CDH13: variants seen among roughly 807,000 people sequenced by gnomAD.
CDH13 encodes the protein cadherin 13.
A neutral mutation model predicts 63.8 loss-of-function variants in CDH13; 24 were observed. The ratio of observed to expected loss-of-function variants is 0.38; its 90% CI spans 0.27 to 0.53. The LOEUF (loss-of-function observed/expected upper bound fraction) is 0.53, where lower values mean the gene tolerates loss of function less well. CDH13 is among the 20% of genes least tolerant of loss of function. The pLI, the probability that CDH13 is intolerant of heterozygous loss-of-function variation, is 0.85. For synonymous variants in CDH13, 503 were observed against 355.3 expected (o/e 1.42, Z -4.67); for missense variants, 1,049 against 903.1 (o/e 1.16, Z -2.07).
At chr16:83,301,207 A>G (rs1185766735) in intron 5 of CDH13, among the ~76,000 whole-genome samples, 3 of 150,942 alleles carry the variant, frequency 2.0e-5, no homozygotes, top group African/African-American at 7.3e-5. Context: ...AATTTTTTGT[A>G]TTTTTAGTAG....
chr16:82,739,490 C>T (rs1026986790), intron 1 of CDH13, among the ~76,000 whole-genome samples: 3 of 152,080 alleles, frequency 2.0e-5, no homozygotes, highest in Non-Finnish European at 2.9e-5. Flanking sequence ...GAGAGAAGAC[C>T]AAGTAACAGT....
chr16:83,737,771 A>G (rs984821358), intron 10 of CDH13, among the ~76,000 whole-genome samples: 3 of 152,222 alleles, frequency 2.0e-5, no homozygotes, highest in African/African-American at 7.2e-5. Flanking sequence ...AGTGGCACAA[A>G]CAAATGCCCA....
At chr16:83,387,147 C>T (rs1468091541) in intron 6 of CDH13, among the ~76,000 whole-genome samples, 2 of 151,978 alleles carry the variant, frequency 1.3e-5, no homozygotes, top group East Asian at 3.9e-4. Flanking sequence ...CAATGTCTGC[C>T]CCAGGAACTT....
At chr16:83,623,802 G>A (rs1044787957) in intron 8 of CDH13, among the ~76,000 whole-genome samples, 2 of 152,172 alleles carry the variant, frequency 1.3e-5, no homozygotes, top group Non-Finnish European at 2.9e-5. Flanking sequence ...ACACAGGAAT[G>A]GTCAAAATAC....
intron 6 of CDH13, among the ~76,000 whole-genome samples, chr16:83,349,455 G>A (rs138467200): frequency 6.6e-6 from 1 of 152,188 alleles, no homozygotes; most frequent in African/African-American, 2.4e-5. Flanking sequence ...GGAATGGCAT[G>A]TCAGGCTCCC....
At chr16:83,614,839 C>A (rs555959242) in intron 8 of CDH13, among the ~76,000 whole-genome samples, 1 of 152,230 alleles carries the variant, frequency 6.6e-6, no homozygotes, top group African/African-American at 2.4e-5. Context: ...AATTAAATGG[C>A]TTCACAGTAC....
At chr16:82,846,541 A>G (rs1362526360) in intron 1 of CDH13, among the ~76,000 whole-genome samples, 6 of 152,196 alleles carry the variant, frequency 3.9e-5, no homozygotes, top group African/African-American at 1.4e-4. Context: ...GAATTTAAGT[A>G]ACTTGCTCAG....
intron 3 of CDH13, among the ~76,000 whole-genome samples, chr16:83,090,523 G>A (rs1041243620): frequency 3.3e-5 from 5 of 149,556 alleles, no homozygotes; most frequent in African/African-American, 5.0e-5. Context: ...GCAGTGAGTC[G>A]AGATCGCGTC....
chr16:82,756,104 G>A (rs934025209), intron 1 of CDH13, among the ~76,000 whole-genome samples: 2 of 152,276 alleles, frequency 1.3e-5, no homozygotes, highest in Admixed American at 6.5e-5. Context: ...AATGTTCAAT[G>A]TGTAAACTCT....
chr16:82,774,841 A>G (rs1199293970), intron 1 of CDH13, among the ~76,000 whole-genome samples: 1 of 152,226 alleles, frequency 6.6e-6, no homozygotes, highest in Non-Finnish European at 1.5e-5. Flanking sequence ...GTGGGGCAGC[A>G]TGGTGGGCTA....
chr16:83,434,363 A>G (rs2072220577), intron 6 of CDH13, among the ~76,000 whole-genome samples: 1 of 152,168 alleles, frequency 6.6e-6, no homozygotes, highest in Non-Finnish European at 1.5e-5. Flanking sequence ...TTTGTGTGAC[A>G]GAGATGACAT....
intron 4 of CDH13, among the ~76,000 whole-genome samples, chr16:83,143,647 A>G (rs1317129737): frequency 6.6e-6 from 1 of 152,156 alleles, no homozygotes; most frequent in African/African-American, 2.4e-5. Flanking sequence ...CATCAAAACA[A>G]TTGTGTTAAA....
At chr16:82,794,935 G>C (rs906902062) in intron 1 of CDH13, among the ~76,000 whole-genome samples, 3 of 152,172 alleles carry the variant, frequency 2.0e-5, no homozygotes, top group Non-Finnish European at 2.9e-5. Flanking sequence ...AAATGGCTGT[G>C]GGTTGGTCTA....
At chr16:83,492,541 G>T (rs773366054) in intron 7 of CDH13, among the ~76,000 whole-genome samples, 2 of 152,100 alleles carry the variant, frequency 1.3e-5, no homozygotes, top group Non-Finnish European at 2.9e-5. Context: ...GGAAAAAGTA[G>T]ATGTAAATAA....
intron 1 of CDH13, among the ~76,000 whole-genome samples, chr16:82,748,894 C>G (rs1003939568): frequency 6.6e-6 from 1 of 152,184 alleles, no homozygotes; most frequent in African/African-American, 2.4e-5. Flanking sequence ...GTCATCCCAA[C>G]AGATACCTGC....
At chr16:83,002,009 T>C (rs1190466714) in intron 2 of CDH13, among the ~76,000 whole-genome samples, 4 of 152,204 alleles carry the variant, frequency 2.6e-5, no homozygotes, top group Non-Finnish European at 5.9e-5. Context: ...TTTGACTCAT[T>C]CATTTATTCA....
intron 2 of CDH13, among the ~76,000 whole-genome samples, chr16:82,989,053 G>A (rs547788020): frequency 1.7e-4 from 26 of 152,254 alleles, no homozygotes; most frequent in African/African-American, 4.6e-4. Context: ...AAGTTAATTT[G>A]AAATTGAAAT....
intron 6 of CDH13, among the ~76,000 whole-genome samples, chr16:83,376,516 A>G (rs1215939952): frequency 6.6e-6 from 1 of 152,218 alleles, no homozygotes; most frequent in Non-Finnish European, 1.5e-5. Context: ...ATGAGTTTTG[A>G]GTAAAAACGA....
intron 3 of CDH13, among the ~76,000 whole-genome samples, chr16:83,071,140 G>A (rs568253030): frequency 1.3e-5 from 2 of 152,170 alleles, no homozygotes; most frequent in South Asian, 4.1e-4. Flanking sequence ...ATTGCAAAGG[G>A]ATCAGGAAAG....
Sources: allele counts gnomAD v4.1 joint callset (sites outside exome capture counted in the v4.1 genomes callset), GRCh38; gene constraint gnomAD v4.1.1; transcripts MANE v1.5; gene names NCBI Gene and HGNC (gene_info 2026-07-23, HGNC 2026-07-21).